The following HMCN2 variants were observed in gnomAD, a reference collection of about 807,000 sequenced individuals.
HMCN2 encodes the protein hemicentin-2.
Under a neutral mutation model 377.5 loss-of-function variants are expected in HMCN2, and 325 were observed. The observed-to-expected ratio is 0.86, with a 90% CI of 0.79 to 0.94. The LOEUF (loss-of-function observed/expected upper bound fraction) is 0.94, where lower values mean the gene tolerates loss of function less well. HMCN2 is among the 40% of genes least tolerant of loss of function. The probability of loss-of-function intolerance (pLI) is 0.00; values close to 1 mark genes in which losing one functional copy is unlikely to be tolerated. For synonymous variants in HMCN2, 2,007 were observed against 2,046.8 expected, an observed-to-expected ratio of 0.98 and a Z score of 0.53; for missense variants, 4,543 against 4,725.3, an observed-to-expected ratio of 0.96 and a Z score of 1.13.
intron 85 of HMCN2, 86 bp from the exon 86 acceptor site, chr9:130,418,686 T>A: frequency 8.6e-7 from 1 of 1,168,756 alleles, no homozygotes; most frequent in East Asian, 2.8e-5. Flanking sequence ...CTTCTCTGGA[T>A]TTCCCAGTGT....
At chr9:130,367,874 A>G (rs1056698301) in intron 43 of HMCN2, among the ~76,000 whole-genome samples, 11 of 146,780 alleles carry the variant, frequency 7.5e-5, no homozygotes, top group African/African-American at 2.7e-4. Context: ...CCCAGGAGGC[A>G]GAGGTTGCAG....
At chr9:130,408,581 T>C (rs1440258371) in intron 83 of HMCN2, among the ~76,000 whole-genome samples, 162 bp from the exon 84 acceptor site, 1 of 150,952 alleles carries the variant, frequency 6.6e-6, no homozygotes, top group Non-Finnish European at 1.5e-5. Flanking sequence ...ATGAACACTG[T>C]TTGCTGTCCC....
At chr9:130,268,287 C>G (rs1834229576) in intron 1 of HMCN2, among the ~76,000 whole-genome samples, 1 of 152,214 alleles carries the variant, frequency 6.6e-6, no homozygotes, top group Non-Finnish European at 1.5e-5. Flanking sequence ...CCAGCCTTCA[C>G]CAGGCTCAGC....
At chr9:130,318,108 C>T (rs2131391897) in intron 15 of HMCN2, among the ~76,000 whole-genome samples, 1 of 152,300 alleles carries the variant, frequency 6.6e-6, no homozygotes, top group African/African-American at 2.4e-5. Context: ...GGATTCTGAG[C>T]TTCGGCGGCT....
At position 130,393,424 on chromosome 9, in the gene HMCN2, G is replaced by A. The variant is rs1444501739; in HGVS notation, c.10234+115G>A. The A allele has an allele frequency of 5.0e-6, 3 of 605,374 alleles. No homozygotes were observed. The highest frequency in any genetic ancestry group is 6.3e-6 in the Non-Finnish European group (3 of 475,282). The allele number at this position is 605,374 out of a possible 1,614,324, so 37.5% of individuals were successfully genotyped here. On this transcript the variant is annotated intron_variant, in intron 67 of 97. Coordinates refer to ENST00000683500, the MANE Select transcript of HMCN2 (RefSeq NM_001291815.2). The surrounding 1 kb of genome is among the most constrained non-coding windows in gnomAD (Gnocchi z 5.2). ...AAGGATGGGCCCTGGGGGCGTCGAG[G>A]AGAGCGGACACTGCGGCTCAGTCTC...
At chr9:130,339,248 G>C (rs1486579565) in intron 23 of HMCN2, among the ~76,000 whole-genome samples, 1 of 152,168 alleles carries the variant, frequency 6.6e-6, no homozygotes, top group African/African-American at 2.4e-5. Flanking sequence ...ACACGCCCAC[G>C]CATGTTTATC....
chr9:130,361,092 A>G lies in HMCN2; in HGVS notation c.5950+488A>G, dbSNP rs1840364126. On this transcript the variant is annotated intron_variant, in intron 38 of 97. Coordinates refer to ENST00000683500, the MANE Select transcript of HMCN2 (RefSeq NM_001291815.2). This position sits in a 1 kb window ranked among gnomAD's most constrained non-coding sequence, Gnocchi z 4.8. The stretch of plus-strand genomic sequence containing the variant: ...CATTCAACTACCCATTCTTTCCTTG[A>G]TCCATTTTCTATCCAACCACACTTA... Among the ~76,000 whole-genome samples the G allele has an allele frequency of 6.6e-6, 1 of 152,094 alleles. No homozygotes were observed. Among genetic ancestry groups the G allele is most frequent in the African/African-American group, 2.4e-5 (1 of 41,398 alleles).
chr9:130,397,515 C>A lies in HMCN2; in HGVS notation c.11199-13C>A. 1.6e-6 allele frequency: 2 copies of A among 1,289,750 alleles called. No individual in the cohort carries two copies. The highest frequency in any genetic ancestry group is 2.0e-6 in the Non-Finnish European group (2 of 988,814). The allele number at this position is 1,289,750 out of a possible 1,614,324, so 79.9% of individuals were successfully genotyped here. On this transcript the variant is annotated splice_polypyrimidine_tract_variant and intron_variant, in intron 73 of 97. Transcript: ENST00000683500. ...GGCTTGCTCATCTCCAGGGCAACCC[C>A]CATCCATTCTAGGTTTGAAATTCTG...
intron 70 of HMCN2, 32 bp downstream of exon 70, chr9:130,395,140 C>CCGGGGCG: frequency 3.7e-6 from 1 of 271,022 alleles, no homozygotes; most frequent in Non-Finnish European, 5.5e-6. Context: ...GGGGCAGGGC[C>CCGGGGCG]GGGAGGCAGG....
At chr9:130,367,718 G>GTGGA in intron 43 of HMCN2, among the ~76,000 whole-genome samples, 1 of 151,876 alleles carries the variant, frequency 6.6e-6, no homozygotes, top group Non-Finnish European at 1.5e-5. Flanking sequence ...GAGGCAGTGG[G>GTGGA]TCACCTGAGG....
intron 90 of HMCN2, among the ~76,000 whole-genome samples, chr9:130,426,181 G>A (rs7870202): frequency 0.54 from 82,179 of 151,770 alleles, 22,401 homozygotes; most frequent in Middle Eastern, 0.65. Context: ...CCAGGCCCCA[G>A]GGTGAAGGTC....
intron 62 of HMCN2, among the ~76,000 whole-genome samples, chr9:130,390,579 C>T (rs1842265742): frequency 6.6e-6 from 1 of 152,184 alleles, no homozygotes; most frequent in Admixed American, 6.5e-5. Flanking sequence ...GGAGCCCGAG[C>T]AGAGGCCCAG....
At chr9:130,289,456 G>A (rs1043466177) in intron 4 of HMCN2, among the ~76,000 whole-genome samples, 1 of 152,132 alleles carries the variant, frequency 6.6e-6, no homozygotes, top group Non-Finnish European at 1.5e-5. Flanking sequence ...GAGGTGGTTA[G>A]GGTTTGGACT....
At chr9:130,270,306 TCCC>T (rs1564733481) in intron 1 of HMCN2, among the ~76,000 whole-genome samples, 4 of 90,526 alleles carry the variant, frequency 4.4e-5, no homozygotes, top group Non-Finnish European at 2.3e-5. Flanking sequence ...TTTTTTTTTT[TCCC>T]TATCACAAAA....
At position 130,388,418 on chromosome 9, in the gene HMCN2, CA is replaced by C; in HGVS notation, c.9402del (p.Phe3135LeufsTer9). On this transcript the variant is annotated frameshift_variant, in exon 62 of 98. Coordinates refer to ENST00000683500, the MANE Select transcript of HMCN2 (RefSeq NM_001291815.2). LOFTEE classifies it high-confidence loss of function. ...TFTLTVQVPP[T>X]FENPKTETVS... ...GGCTTTCTTCCTGCAGTGCCCCCAA[CA>C]TTTGAGAACCCCAAGACAGAGACAG... The C allele has an allele frequency of 1.0e-6, 1 of 987,998 alleles. No individual in the cohort carries two copies. Among genetic ancestry groups the C allele is most frequent in the Non-Finnish European group, 1.2e-6 (1 of 830,108 alleles). 61.2% of individuals were successfully genotyped at this position (987,998 alleles called of 1,614,324 possible). A position where few individuals can be genotyped will look rare whatever the true frequency, so the allele number is the denominator to read the frequency against.
chr9:130,316,242 C>CGGTGGTGGGTG (rs1228757569), intron 15 of HMCN2, among the ~76,000 whole-genome samples: 2 of 152,010 alleles, frequency 1.3e-5, no homozygotes, highest in African/African-American at 4.8e-5. Flanking sequence ...CTGTACCCTG[C>CGGTGGTGGGTG]GGTGGTGGGT....
At position 130,309,948 on chromosome 9, in the gene HMCN2, G is replaced by T. The variant is rs1554938369; in HGVS notation, c.2237G>T (p.Ser746Ile). The change falls in exon 15 of 98, where the codon AGC becomes ATC. Residue 746 changes from serine to isoleucine, a missense_variant. By Grantham distance (142) the Ser-to-Ile change is moderately radical. Coordinates refer to ENST00000683500, the MANE Select transcript of HMCN2 (RefSeq NM_001291815.2). ...ATGATCCTGGCCCCTGAGGGCTCCA[G>T]CTCTGGGAAGCTGCGGATCCCGGCG... is the stretch of plus-strand genomic sequence containing the variant. ...LEMILAPEGS[S>I]SGKLRIPAAQ... is the part of the protein sequence containing the mutation. 2 of 525,910 alleles carry T rather than the reference G, an allele frequency of 3.8e-6. No homozygotes were observed. The highest frequency in any genetic ancestry group is 5.6e-5 in the East Asian group (1 of 18,008). The allele number at this position is 525,910 out of a possible 1,614,324, so 32.6% of individuals were successfully genotyped here. A position where few individuals can be genotyped will look rare whatever the true frequency, so the allele number is the denominator to read the frequency against.
At chr9:130,316,409 T>A (rs1182302420) in intron 15 of HMCN2, among the ~76,000 whole-genome samples, 1 of 103,992 alleles carries the variant, frequency 9.6e-6, no homozygotes, top group African/African-American at 3.9e-5. Flanking sequence ...CCCAGATGTG[T>A]GGGTGGGGGA....
At chr9:130,280,053 C>T in intron 1 of HMCN2, among the ~76,000 whole-genome samples, 1 of 151,806 alleles carries the variant, frequency 6.6e-6, no homozygotes, top group East Asian at 1.9e-4. Context: ...CTGGAAAAGG[C>T]AGGGAAACTG....
Sources: gnomAD v4.1 joint callset for allele counts (sites outside exome capture counted in the v4.1 genomes callset) on GRCh38, gnomAD v4.1.1 for gene constraint, Gnocchi (gnomAD v3.1) non-coding constraint, MANE v1.5 for transcripts, NCBI Gene and HGNC (gene_info 2026-07-23, HGNC 2026-07-21) for gene names.